Variants in LRFN5 observed in about 807,000 individuals in gnomAD.
LRFN5 encodes leucine-rich repeat and fibronectin type-III domain-containing protein 5.
Under a neutral mutation model 45.6 loss-of-function variants are expected in LRFN5, and 24 were observed. The ratio of observed to expected loss-of-function variants is 0.53; its 90% CI spans 0.38 to 0.74. LRFN5 has a LOEUF of 0.74. Among genes scored for constraint, LRFN5 ranks in the 30% least tolerant of loss-of-function variants. The pLI is 0.00. For missense variants in LRFN5, 776 were observed against 861.5 expected (o/e 0.90, Z 1.24); for synonymous variants, 340 against 313.8 (o/e 1.08, Z -0.88).
At chr14:41,691,280 A>G (rs895677438) in intron 1 of LRFN5, among the ~76,000 whole-genome samples, 1 of 152,010 alleles carries the variant, frequency 6.6e-6, no homozygotes, top group Non-Finnish European at 1.5e-5. Context: ...ATTAATTTAC[A>G]TCTATTCCTT....
chr14:41,783,598 C>T (rs1410524548), intron 2 of LRFN5, among the ~76,000 whole-genome samples: 1 of 152,066 alleles, frequency 6.6e-6, no homozygotes, highest in Non-Finnish European at 1.5e-5. Context: ...GTCAGTTTCA[C>T]TAATGAGTAA....
intron 1 of LRFN5, among the ~76,000 whole-genome samples, chr14:41,674,716 C>G (rs1476551668): frequency 3.3e-5 from 5 of 151,370 alleles, no homozygotes; most frequent in Non-Finnish European, 7.4e-5. Flanking sequence ...CCCCCTACCT[C>G]CCTCCCGGAC....
At chr14:41,878,095 T>C (rs1189561023) in intron 2 of LRFN5, among the ~76,000 whole-genome samples, 6 of 152,134 alleles carry the variant, frequency 3.9e-5, no homozygotes, top group South Asian at 2.1e-4. Context: ...TTAGCATTTA[T>C]AGTCTCTCTA....
At chr14:41,728,861 G>C (rs1316412042) in intron 1 of LRFN5, among the ~76,000 whole-genome samples, 1 of 152,108 alleles carries the variant, frequency 6.6e-6, no homozygotes, top group African/African-American at 2.4e-5. Flanking sequence ...ATCAAAAATT[G>C]ATCAAGCATG....
At chr14:41,790,141 T>G (rs1164301092) in intron 2 of LRFN5, among the ~76,000 whole-genome samples, 1 of 151,962 alleles carries the variant, frequency 6.6e-6, no homozygotes, top group Non-Finnish European at 1.5e-5. Flanking sequence ...ATTCAGGTTT[T>G]CCATTACCAT....
chr14:41,701,681 A>C (rs1240607695), intron 1 of LRFN5: 1 of 152,174 alleles, frequency 6.6e-6, no homozygotes, highest in Non-Finnish European at 1.5e-5. Context: ...GAAATGCAGA[A>C]TGTGATAGGA....
chr14:41,689,902 A>T (rs1882297792), intron 1 of LRFN5, among the ~76,000 whole-genome samples: 1 of 150,786 alleles, frequency 6.6e-6, no homozygotes, highest in Non-Finnish European at 1.5e-5. Flanking sequence ...CTCAAAAAAA[A>T]AAAAAAAAAA....
intron 2 of LRFN5, among the ~76,000 whole-genome samples, chr14:41,849,131 C>T (rs1406832602): frequency 6.6e-6 from 1 of 152,014 alleles, no homozygotes; most frequent in African/African-American, 2.4e-5. Flanking sequence ...AAATTCTATA[C>T]ATTCTTACAC....
chr14:41,810,789 C>T (rs1261039725), intron 2 of LRFN5, among the ~76,000 whole-genome samples: 1 of 152,014 alleles, frequency 6.6e-6, no homozygotes, highest in East Asian at 1.9e-4. Context: ...CCCAAACAAC[C>T]TGCCAACCTT....
At chr14:41,621,883 A>C (rs918350131) in intron 1 of LRFN5, among the ~76,000 whole-genome samples, 2 of 152,098 alleles carry the variant, frequency 1.3e-5, no homozygotes, top group African/African-American at 4.8e-5. Flanking sequence ...GCATTATAGC[A>C]ACACCATGTC....
intron 1 of LRFN5, among the ~76,000 whole-genome samples, chr14:41,709,242 A>G (rs892711735): frequency 2.0e-5 from 3 of 151,936 alleles, no homozygotes; most frequent in South Asian, 2.1e-4. Context: ...TTGAATATCA[A>G]TATGCTGAAA....
chr14:41,660,328 A>T (rs1274633512), intron 1 of LRFN5, among the ~76,000 whole-genome samples: 1 of 152,064 alleles, frequency 6.6e-6, no homozygotes, highest in Admixed American at 6.6e-5. Context: ...ACCCAGCCAT[A>T]TGACTAACTC....
intron 2 of LRFN5, among the ~76,000 whole-genome samples, chr14:41,877,636 A>G (rs1021566381): frequency 1.1e-4 from 17 of 152,084 alleles, no homozygotes; most frequent in African/African-American, 4.1e-4. Flanking sequence ...GTGTGTGTAT[A>G]TATATACACA....
At chr14:41,816,468 T>C (rs1887921537) in intron 2 of LRFN5, among the ~76,000 whole-genome samples, 1 of 152,114 alleles carries the variant, frequency 6.6e-6, no homozygotes, top group Non-Finnish European at 1.5e-5. Flanking sequence ...GAAAGTCTAC[T>C]GGCAACAAAT....
intron 1 of LRFN5, among the ~76,000 whole-genome samples, chr14:41,740,506 G>T (rs1372326949): frequency 6.6e-6 from 1 of 151,832 alleles, no homozygotes; most frequent in Non-Finnish European, 1.5e-5. Context: ...TTTAACATCT[G>T]ATCATGATAA....
intron 1 of LRFN5, among the ~76,000 whole-genome samples, chr14:41,627,247 T>C (rs1888365357): frequency 6.6e-6 from 1 of 152,134 alleles, no homozygotes; most frequent in Non-Finnish European, 1.5e-5. Flanking sequence ...CATCTAATTT[T>C]AGGATGTTTT....
intron 2 of LRFN5, among the ~76,000 whole-genome samples, chr14:41,792,366 C>T (rs141012405): frequency 0.011 from 1,685 of 152,050 alleles, 30 homozygotes; most frequent in African/African-American, 0.038. Flanking sequence ...AAAACAGGTT[C>T]GAGAGCAGAG....
chr14:41,861,724 A>G (rs1446294294), intron 2 of LRFN5, among the ~76,000 whole-genome samples: 3 of 152,180 alleles, frequency 2.0e-5, no homozygotes, highest in Non-Finnish European at 4.4e-5. Context: ...TAAAGGTTTT[A>G]TTGAAGTAGA....
intron 1 of LRFN5, among the ~76,000 whole-genome samples, chr14:41,672,037 C>T (rs948722347): frequency 6.6e-6 from 1 of 152,174 alleles, no homozygotes; most frequent in Non-Finnish European, 1.5e-5. Context: ...TTTCCATAAG[C>T]CAGAAGTTTA....
Sources: gnomAD v4.1 joint callset for allele counts (sites outside exome capture counted in the v4.1 genomes callset) on GRCh38, gnomAD v4.1.1 for gene constraint, MANE v1.5 for transcripts, NCBI Gene and HGNC (gene_info 2026-07-23, HGNC 2026-07-21) for gene names.